Variants in BAIAP2 observed in about 807,000 individuals in gnomAD.
BAIAP2 encodes the protein BAR/IMD domain containing adaptor protein 2.
In BAIAP2, 18 loss-of-function variants were observed where a neutral mutation model predicts 63.0. The ratio of observed to expected loss-of-function variants is 0.29; its 90% CI spans 0.20 to 0.42. The LOEUF (loss-of-function observed/expected upper bound fraction) is 0.42. Ranked by LOEUF, BAIAP2 falls within the 10% of genes least tolerant of loss-of-function variation. The probability of loss-of-function intolerance (pLI) is 1.00; values close to 1 mark genes in which losing one functional copy is unlikely to be tolerated. For missense variants in BAIAP2, 610 were observed against 734.3 expected (o/e 0.83, Z 1.96); for synonymous variants, 386 against 307.6 (o/e 1.25, Z -2.67).
chr17:81,091,075 C>A (rs1351615257), intron 6 of BAIAP2, among the ~76,000 whole-genome samples: 1 of 126,880 alleles, frequency 7.9e-6, no homozygotes, highest in Non-Finnish European at 1.7e-5. Flanking sequence ...CCCGCCCCCA[C>A]TTGTGTGCCC....
At chr17:81,039,886 G>A (rs1442442218) in intron 1 of BAIAP2, among the ~76,000 whole-genome samples, 1 of 152,204 alleles carries the variant, frequency 6.6e-6, no homozygotes, top group African/African-American at 2.4e-5. Flanking sequence ...GCTCCAGGAG[G>A]CAGACTGGCC....
At chr17:81,065,107 GCTC>G (rs1417192970) in intron 3 of BAIAP2, among the ~76,000 whole-genome samples, 1 of 152,196 alleles carries the variant, frequency 6.6e-6, no homozygotes, top group Non-Finnish European at 1.5e-5. Flanking sequence ...AGGGGCGTCT[GCTC>G]CTCATCCTCT....
At chr17:81,072,067 C>T (rs574001445) in intron 3 of BAIAP2, among the ~76,000 whole-genome samples, 1 of 152,336 alleles carries the variant, frequency 6.6e-6, no homozygotes, top group South Asian at 2.1e-4. Flanking sequence ...GCTCCTCCTT[C>T]GAGCGCCCAC....
At chr17:81,106,682 A>G in intron 11 of BAIAP2, 63 bp from the exon 12 acceptor site, 1 of 1,596,226 alleles carries the variant, frequency 6.3e-7, no homozygotes. Flanking sequence ...AGGGAGCCAC[A>G]GGGTTGTGGG....
At position 81,109,318 on chromosome 17, in the gene BAIAP2, T is replaced by A. The variant is rs373760094; in HGVS notation, c.1535+809T>A. 21 of 1,171,760 alleles carry A rather than the reference T, an allele frequency of 1.8e-5. No individual in the cohort carries two copies. In the African/African-American group the frequency reaches 2.5e-4, roughly 14 times the overall value. 72.6% of individuals were successfully genotyped at this position (1,171,760 alleles called of 1,614,324 possible). Reference sequence around the variant, plus strand: ...CTGCAGTGTCTGTGGCACTCACTGCTTTTCTAAGGCTCGCCGTGAGCCAGG... The same window carrying A: ...CTGCAGTGTCTGTGGCACTCACTGCATTTCTAAGGCTCGCCGTGAGCCAGG... On this transcript the variant is annotated intron_variant, in intron 13 of 13. Transcript: ENST00000428708.
rs759602251 is a variant in BAIAP2, at chr17:81,109,033, GCT to G, written c.1535+525_1535+526del. ...CCCCGGGCAGCCGCTGCTCTGAAGA[GCT>G]TCCGCGCCTTCCCCCTGGTCTCGTC... On this transcript the variant is annotated intron_variant, in intron 13 of 13. Coordinates refer to ENST00000428708, the MANE Select transcript of BAIAP2 (RefSeq NM_001144888.2). 2.1e-5 allele frequency: 32 copies of G among 1,535,008 alleles called. No individual in the cohort carries two copies. The Middle Eastern group carries it at 5.0e-4, about 24-fold the overall frequency.
At chr17:81,102,903 G>A (rs902335404) in intron 7 of BAIAP2, among the ~76,000 whole-genome samples, 1 of 152,232 alleles carries the variant, frequency 6.6e-6, no homozygotes, top group Non-Finnish European at 1.5e-5. Flanking sequence ...ACCCAGGCCC[G>A]GCCGGCTCCC....
In BAIAP2 at chr17:81,060,507, A is replaced by G. The variant is rs112037735; in HGVS notation, c.217+2540A>G. Among the ~76,000 whole-genome samples the G allele has an allele frequency of 9.1e-3, 1,392 of 152,258 alleles. 23 individuals carry two copies. The highest frequency in any genetic ancestry group is 0.032 in the African/African-American group (1,346 of 41,538). On this transcript the variant is annotated intron_variant, in intron 3 of 13. Transcript: ENST00000428708. Reference sequence around the variant, plus strand: ...CACATGTTTACCGTCCCTCTGTGCTATAGCCCGTGTCAGGGCTTCATTCCT... The same window carrying G: ...CACATGTTTACCGTCCCTCTGTGCTGTAGCCCGTGTCAGGGCTTCATTCCT...
At chr17:81,107,093 C>T (rs561696159) in intron 12 of BAIAP2, 186 bp downstream of exon 12, 7 of 689,276 alleles carry the variant, frequency 1.0e-5, no homozygotes, top group East Asian at 6.5e-5. Flanking sequence ...TCAGGCTGCC[C>T]GCCTCGCCGC....
At chr17:81,051,238 C>A (rs987843103) in intron 1 of BAIAP2, among the ~76,000 whole-genome samples, 3 of 152,090 alleles carry the variant, frequency 2.0e-5, no homozygotes, top group Admixed American at 1.3e-4. Context: ...CTCCAGCATC[C>A]CCGTCCCTTT....
intron 3 of BAIAP2, among the ~76,000 whole-genome samples, chr17:81,081,556 C>G (rs1026290166): frequency 3.3e-5 from 5 of 152,186 alleles, no homozygotes; most frequent in Non-Finnish European, 7.3e-5. Context: ...TGGGCAGCGC[C>G]TGCTCACGTC....
chr17:81,070,748 T>C (rs1261928093), intron 3 of BAIAP2, among the ~76,000 whole-genome samples: 1 of 152,064 alleles, frequency 6.6e-6, no homozygotes, highest in Non-Finnish European at 1.5e-5. Flanking sequence ...CCACCCCGGG[T>C]GGATGGCCGC....
At chr17:81,051,125 G>C (rs1006255871) in intron 1 of BAIAP2, among the ~76,000 whole-genome samples, 3 of 150,758 alleles carry the variant, frequency 2.0e-5, no homozygotes, top group Non-Finnish European at 4.4e-5. Flanking sequence ...AAAGTGTCCA[G>C]GCTCCTGGTT....
chr17:81,085,301 G>A (rs2055379959), intron 4 of BAIAP2: 1 of 518,914 alleles, frequency 1.9e-6, no homozygotes. Flanking sequence ...AAAGCCAGGG[G>A]TCTGACCCTG....
chr17:81,093,929 C>A (rs2057228563), intron 6 of BAIAP2, among the ~76,000 whole-genome samples: 1 of 151,950 alleles, frequency 6.6e-6, no homozygotes, highest in African/African-American at 2.4e-5. Context: ...CTGTGGACAA[C>A]CCCTCCCCCC....
intron 9 of BAIAP2, 103 bp from the exon 10 acceptor site, chr17:81,104,411 T>C: frequency 2.3e-6 from 3 of 1,299,680 alleles, no homozygotes; most frequent in Non-Finnish European, 3.2e-6. Context: ...CTTACCCACC[T>C]GGGGCACAGG....
intron 6 of BAIAP2, chr17:81,098,326 C>A: frequency 1.7e-6 from 1 of 589,440 alleles, no homozygotes; most frequent in South Asian, 8.2e-5. Flanking sequence ...CCCCAAACTC[C>A]CCCTCTCCAG....
At chr17:81,108,323 G>A (rs1489743882) in intron 12 of BAIAP2, 152 bp from the exon 13 acceptor site, 4 of 777,864 alleles carry the variant, frequency 5.1e-6, no homozygotes, top group Non-Finnish European at 6.3e-6. Flanking sequence ...AGGTCTCTGA[G>A]TGCTGCAGCC....
chr17:81,106,793 C>T lies in BAIAP2; in HGVS notation c.1386C>T (p.Asp462=), dbSNP rs149108114. The T allele has an allele frequency of 2.9e-5, 47 of 1,612,442 alleles. No individual in the cohort carries two copies. Among genetic ancestry groups the T allele is most frequent in the East Asian group, 4.5e-5 (2 of 44,884 alleles). ...SSSTGNLLDK[D]DLAIPPPDYG... ...GCACGGGCAACCTCCTGGACAAGGA[C>T]GACCTGGCCATCCCACCCCCCGATT... The change falls in exon 12 of 14, where the codon GAC becomes GAT. Residue 462 remains aspartate (D), a synonymous_variant. Transcript: ENST00000428708.
Sources: allele counts gnomAD v4.1 joint callset (sites outside exome capture counted in the v4.1 genomes callset), GRCh38; gene constraint gnomAD v4.1.1; transcripts MANE v1.5; gene names NCBI Gene and HGNC (gene_info 2026-07-23, HGNC 2026-07-21).